SGCD: variants seen among roughly 807,000 people sequenced by gnomAD.
The protein encoded by SGCD is delta-sarcoglycan.
Under a neutral mutation model 36.6 loss-of-function variants are expected in SGCD, and 18 were observed. The observed-to-expected ratio is 0.49, with a 90% CI of 0.34 to 0.73. SGCD has a LOEUF of 0.73. Ranked by LOEUF, SGCD falls within the 30% of genes least tolerant of loss-of-function variation. The probability of loss-of-function intolerance (pLI) is 0.01; values close to 1 mark genes in which losing one functional copy is unlikely to be tolerated. For synonymous variants in SGCD, 133 were observed against 130.6 expected (o/e 1.02, Z -0.12); for missense variants, 387 against 346.7 (o/e 1.12, Z -0.92).
At chr5:156,377,592 A>G (rs1770737102) in intron 3 of SGCD, among the ~76,000 whole-genome samples, 1 of 152,188 alleles carries the variant, frequency 6.6e-6, no homozygotes, top group African/African-American at 2.4e-5. Context: ...TCAGTAGACA[A>G]TGGAGTACAT....
intron 7 of SGCD, among the ~76,000 whole-genome samples, chr5:156,717,841 C>T (rs1168225966): frequency 6.6e-6 from 1 of 151,606 alleles, no homozygotes; most frequent in Non-Finnish European, 1.5e-5. Flanking sequence ...ACAATAGAGG[C>T]TCCTGCCCAC....
At chr5:155,818,373 G>C in the SGCD span, among the ~76,000 whole-genome samples, 1 of 152,098 alleles carries the variant, frequency 6.6e-6, no homozygotes, top group South Asian at 2.1e-4. Context: ...GTGCAGGGAG[G>C]AGATCGAAGG....
intron 3 of SGCD, among the ~76,000 whole-genome samples, chr5:156,195,437 C>T (rs10037014): frequency 0.4 from 61,440 of 152,012 alleles, 14,664 homozygotes; most frequent in African/African-American, 0.67. Context: ...TTAACATTCT[C>T]TTACTCAGAA....
intron 3 of SGCD, among the ~76,000 whole-genome samples, chr5:156,183,673 C>T (rs1763663869): frequency 6.6e-6 from 1 of 152,204 alleles, no homozygotes; most frequent in African/African-American, 2.4e-5. Context: ...TCCCAAACTG[C>T]TGAGATTACA....
the SGCD span, among the ~76,000 whole-genome samples, chr5:155,817,792 C>T: frequency 6.6e-6 from 1 of 152,124 alleles, no homozygotes; most frequent in Non-Finnish European, 1.5e-5. Flanking sequence ...GTTGAAACGG[C>T]AGGTAGGGGG....
intron 1 of SGCD, among the ~76,000 whole-genome samples, chr5:155,913,695 C>T (rs976749318): frequency 2.6e-5 from 4 of 152,078 alleles, no homozygotes; most frequent in African/African-American, 9.7e-5. Context: ...TCAGACAAAA[C>T]TTGTCCTCAT....
intron 3 of SGCD, among the ~76,000 whole-genome samples, chr5:156,272,020 T>G (rs116069388): frequency 0.011 from 1,720 of 152,306 alleles, 22 homozygotes; most frequent in African/African-American, 0.04. Context: ...ATAATTTTTA[T>G]TTTTATTTCA....
chr5:156,368,800 C>G (rs1295830937), intron 3 of SGCD, among the ~76,000 whole-genome samples: 1 of 152,176 alleles, frequency 6.6e-6, no homozygotes, highest in Non-Finnish European at 1.5e-5. Flanking sequence ...CTCATCACCC[C>G]CAGATTGGAC....
chr5:156,515,292 G>A (rs947353206), intron 4 of SGCD, among the ~76,000 whole-genome samples: 15 of 151,986 alleles, frequency 9.9e-5, no homozygotes, highest in African/African-American at 1.9e-4. Context: ...CAGTAATGAC[G>A]TTTTCACTCA....
intron 6 of SGCD, among the ~76,000 whole-genome samples, chr5:156,607,707 T>A (rs960068152): frequency 0.03 from 6 of 198 alleles, no homozygotes; most frequent in African/African-American, 0.083. Flanking sequence ...GCTATTAATT[T>A]TTCCCTCATT....
At chr5:156,355,335 AAGG>A (rs1178284267) in intron 3 of SGCD, among the ~76,000 whole-genome samples, 2 of 152,238 alleles carry the variant, frequency 1.3e-5, no homozygotes, top group African/African-American at 4.8e-5. Flanking sequence ...TTAATATAAA[AAGG>A]AGAAGAAAAT....
At chr5:156,586,076 A>G (rs1341244856) in intron 4 of SGCD, among the ~76,000 whole-genome samples, 1 of 142,544 alleles carries the variant, frequency 7.0e-6, no homozygotes, top group Non-Finnish European at 1.5e-5. Flanking sequence ...TTTTTTTTTT[A>G]AAGTAATATC....
At chr5:155,872,971 C>T (rs1439193107) in intron 1 of SGCD, among the ~76,000 whole-genome samples, 1 of 152,154 alleles carries the variant, frequency 6.6e-6, no homozygotes, top group Non-Finnish European at 1.5e-5. Flanking sequence ...AACTGGATAT[C>T]CTCTTCACAG....
intron 1 of SGCD, among the ~76,000 whole-genome samples, chr5:155,961,617 A>G (rs1156363013): frequency 6.6e-6 from 1 of 152,106 alleles, no homozygotes; most frequent in Non-Finnish European, 1.5e-5. Flanking sequence ...CTACCATCAC[A>G]TGGCAAGGCT....
At chr5:156,268,115 G>C (rs1167338438) in intron 3 of SGCD, among the ~76,000 whole-genome samples, 1 of 152,110 alleles carries the variant, frequency 6.6e-6, no homozygotes, top group Admixed American at 6.5e-5. Flanking sequence ...GCGTTAGTTT[G>C]CTAAGGATAA....
intron 3 of SGCD, among the ~76,000 whole-genome samples, chr5:156,375,059 T>C (rs769812710): frequency 6.6e-6 from 1 of 152,170 alleles, no homozygotes; most frequent in Non-Finnish European, 1.5e-5. Context: ...AAGAAACTTT[T>C]GAAGATCCTT....
At chr5:155,752,019 T>A in the SGCD span, among the ~76,000 whole-genome samples, 2 of 152,204 alleles carry the variant, frequency 1.3e-5, no homozygotes, top group East Asian at 1.9e-4. Context: ...TTACATGAGA[T>A]AATATATGCA....
chr5:156,699,955 G>A (rs1315699759), intron 7 of SGCD, among the ~76,000 whole-genome samples: 1 of 152,056 alleles, frequency 6.6e-6, no homozygotes, highest in Non-Finnish European at 1.5e-5. Context: ...GTGAACAGTG[G>A]GGGAAAGTGT....
chr5:156,575,565 C>G (rs559848824), intron 4 of SGCD, among the ~76,000 whole-genome samples: 2 of 152,168 alleles, frequency 1.3e-5, no homozygotes, highest in African/African-American at 4.8e-5. Context: ...TACTTACTCA[C>G]CAGGACTGTA....
Sources: allele counts gnomAD v4.1 joint callset (sites outside exome capture counted in the v4.1 genomes callset), GRCh38; gene constraint gnomAD v4.1.1; transcripts MANE v1.5; gene names NCBI Gene and HGNC (gene_info 2026-07-23, HGNC 2026-07-21).